The following DPP6 variants were observed in gnomAD, a reference collection of about 807,000 sequenced individuals.
DPP6 encodes dipeptidyl peptidase like 6.
DPP6 carries 69 observed loss-of-function variants against 122.6 expected under a neutral mutation model. The ratio of observed to expected loss-of-function variants is 0.56; its 90% confidence interval spans 0.46 to 0.69. The LOEUF (loss-of-function observed/expected upper bound fraction) is 0.69, where lower values mean the gene tolerates loss of function less well. Among genes scored for constraint, DPP6 ranks in the 30% least tolerant of loss-of-function variants. The pLI, the probability that DPP6 is intolerant of heterozygous loss-of-function variation, is 0.00. For missense variants in DPP6, 928 were observed against 1,116.9 expected (o/e 0.83, Z 2.41); for synonymous variants, 418 against 433.1 (o/e 0.97, Z 0.43).
chr7:154,302,548 G>T (rs183834512), intron 1 of DPP6, among the ~76,000 whole-genome samples: 1 of 152,224 alleles, frequency 6.6e-6, no homozygotes, highest in Non-Finnish European at 1.5e-5. Flanking sequence ...CAGAGTAGAT[G>T]AGTGAGGGAG....
At chr7:154,555,557 G>T (rs1438439162) in intron 4 of DPP6, among the ~76,000 whole-genome samples, 1 of 151,916 alleles carries the variant, frequency 6.6e-6, no homozygotes, top group African/African-American at 2.4e-5. Flanking sequence ...CATGGCACAT[G>T]TATACATATG....
At chr7:154,443,535 G>GTGA (rs879917114) in intron 1 of DPP6, among the ~76,000 whole-genome samples, 22,316 of 142,796 alleles carry the variant, frequency 0.16, 3,808 homozygotes, top group African/African-American at 0.35. Context: ...TGGATGGATG[G>GTGA]ATGGATGAGT....
chr7:154,524,779 G>A (rs1329054453), intron 3 of DPP6, among the ~76,000 whole-genome samples: 2 of 152,160 alleles, frequency 1.3e-5, no homozygotes, highest in Admixed American at 1.3e-4. Context: ...GGAAAAATTA[G>A]ATGGAAAAGG....
At chr7:154,868,174 G>C in intron 18 of DPP6, 81 bp downstream of exon 18, 1 of 1,515,750 alleles carries the variant, frequency 6.6e-7, no homozygotes, top group Non-Finnish European at 8.8e-7. Flanking sequence ...TCAGCAGCAG[G>C]TGCCCTGCAA....
At chr7:154,459,039 A>G (rs2151312446) in intron 2 of DPP6, among the ~76,000 whole-genome samples, 1 of 152,350 alleles carries the variant, frequency 6.6e-6, no homozygotes, top group Non-Finnish European at 1.5e-5. Flanking sequence ...TCCAGTATTG[A>G]CTTAATTCTT....
At chr7:153,863,058 T>G in the DPP6 span, among the ~76,000 whole-genome samples, 7 of 152,218 alleles carry the variant, frequency 4.6e-5, no homozygotes, top group African/African-American at 1.2e-4. Flanking sequence ...ACATTTTATT[T>G]CTACTTAAAC....
At chr7:154,045,291 A>G (rs184362722) in intron 1 of DPP6, among the ~76,000 whole-genome samples, 20 of 152,186 alleles carry the variant, frequency 1.3e-4, no homozygotes, top group Admixed American at 5.9e-4. Flanking sequence ...TCCTTGTCCA[A>G]TCCTTTAAAT....
intron 17 of DPP6, 78 bp downstream of exon 17, chr7:154,853,905 C>T (rs1802607564): frequency 6.4e-7 from 1 of 1,572,352 alleles, no homozygotes; most frequent in South Asian, 1.1e-5. Context: ...GATCAGCTGG[C>T]CCACATTCTC....
chr7:154,207,056 G>A (rs751599697), intron 1 of DPP6, among the ~76,000 whole-genome samples: 8 of 152,140 alleles, frequency 5.3e-5, no homozygotes, highest in Non-Finnish European at 1.2e-4. Context: ...ACAAAAGTGG[G>A]GCCTTTGCGT....
Position 154,152,512 on chromosome 7 carries a change from C to T in DPP6, c.243+99449C>T, listed in dbSNP as rs62487207. Among the ~76,000 whole-genome samples the T allele has an allele frequency of 3.6e-3, 544 of 152,266 alleles. 2 individuals are homozygous for T. Among genetic ancestry groups the T allele is most frequent in the Non-Finnish European group, 6.0e-3 (407 of 68,024 alleles). ...GCTGCAATGCTAGACTGAGATGCCT[C>T]TTGTATGGAAAATATTTCTTAGGAG... On this transcript the variant is annotated intron_variant, in intron 1 of 25. Transcript: ENST00000377770.
chr7:153,988,225 G>A (rs910738538), intron 1 of DPP6, among the ~76,000 whole-genome samples: 14 of 152,214 alleles, frequency 9.2e-5, no homozygotes, highest in Non-Finnish European at 1.2e-4. Flanking sequence ...AGAAGCTGGC[G>A]CCTTTTGCTC....
chr7:154,059,519 G>A (rs1480961613), intron 1 of DPP6: 2 of 150,898 alleles, frequency 1.3e-5, no homozygotes, highest in Non-Finnish European at 2.9e-5. Flanking sequence ...GGAGCTTAAG[G>A]GCAGAAGGCA....
chr7:154,546,303 A>G (rs1483452135), intron 4 of DPP6, among the ~76,000 whole-genome samples: 1 of 152,064 alleles, frequency 6.6e-6, no homozygotes, highest in African/African-American at 2.4e-5. Context: ...GATTTTGTGT[A>G]TTATTTTCTA....
At chr7:154,714,275 A>C (rs1841356011) in intron 7 of DPP6, among the ~76,000 whole-genome samples, 1 of 152,158 alleles carries the variant, frequency 6.6e-6, no homozygotes, top group South Asian at 2.1e-4. Flanking sequence ...TGAGCCCTTC[A>C]ACCCGTTCCA....
intron 2 of DPP6, among the ~76,000 whole-genome samples, chr7:154,460,339 A>G (rs753097418): frequency 6.6e-6 from 1 of 152,176 alleles, no homozygotes; most frequent in African/African-American, 2.4e-5. Context: ...ACTACCGACT[A>G]CGAAGGTCAA....
At chr7:154,627,235 G>A (rs1473875172) in intron 5 of DPP6, among the ~76,000 whole-genome samples, 6 of 126,132 alleles carry the variant, frequency 4.8e-5, no homozygotes, top group East Asian at 4.7e-4. Flanking sequence ...TCGCTCTGTC[G>A]CCCAAGCTGG....
At chr7:154,226,155 C>CA (rs1800588422) in intron 1 of DPP6, among the ~76,000 whole-genome samples, 1 of 152,106 alleles carries the variant, frequency 6.6e-6, no homozygotes, top group Non-Finnish European at 1.5e-5. Context: ...AAACCATGGC[C>CA]AGAGTTCTGG....
chr7:154,808,474 A>G (rs1393603543), intron 16 of DPP6, among the ~76,000 whole-genome samples: 1 of 152,106 alleles, frequency 6.6e-6, no homozygotes, highest in Non-Finnish European at 1.5e-5. Context: ...GTGTCCCAAG[A>G]AGGAGGCCAC....
chr7:154,177,188 A>G (rs1397137752), intron 1 of DPP6, among the ~76,000 whole-genome samples: 2 of 152,146 alleles, frequency 1.3e-5, no homozygotes, highest in African/African-American at 2.4e-5. Flanking sequence ...TCCCGCACAG[A>G]TATACACAAG....
Sources: allele counts gnomAD v4.1 joint callset (sites outside exome capture counted in the v4.1 genomes callset), GRCh38; gene constraint gnomAD v4.1.1; transcripts MANE v1.5; gene names NCBI Gene and HGNC (gene_info 2026-07-23, HGNC 2026-07-21).